Variants in RBMS3 observed in about 807,000 individuals in gnomAD.
RBMS3 encodes RNA-binding motif, single-stranded-interacting protein 3.
A neutral mutation model predicts 66.8 loss-of-function variants in RBMS3; 27 were observed. That is an observed-to-expected ratio of 0.40 (90% CI 0.30 to 0.56). The LOEUF (loss-of-function observed/expected upper bound fraction) is 0.56, where lower values mean the gene tolerates loss of function less well. Among genes scored for constraint, RBMS3 ranks in the 20% least tolerant of loss-of-function variants. The pLI, the probability that RBMS3 is intolerant of heterozygous loss-of-function variation, is 0.40. For missense variants in RBMS3, 513 were observed against 549.5 expected (o/e 0.93, Z 0.66); for synonymous variants, 188 against 183.0 (o/e 1.03, Z -0.22).
chr3:29,670,338 C>T (rs1418562663), intron 4 of RBMS3, among the ~76,000 whole-genome samples: 4 of 152,112 alleles, frequency 2.6e-5, no homozygotes, highest in South Asian at 4.1e-4. Context: ...CCAGCATGAG[C>T]GACGCAGAAG....
chr3:29,554,135 G>A (rs1030990543), intron 3 of RBMS3, among the ~76,000 whole-genome samples: 2 of 152,068 alleles, frequency 1.3e-5, no homozygotes, highest in African/African-American at 4.8e-5. Context: ...GTATGCTAAT[G>A]TACCTTATAT....
intron 3 of RBMS3, among the ~76,000 whole-genome samples, chr3:29,540,370 A>G (rs1019177594): frequency 6.6e-6 from 1 of 152,160 alleles, no homozygotes; most frequent in Admixed American, 6.5e-5. Flanking sequence ...TCCATTAGGC[A>G]GTTAATTTAC....
At chr3:29,411,301 G>A (rs978732769) in intron 1 of RBMS3, among the ~76,000 whole-genome samples, 3 of 152,110 alleles carry the variant, frequency 2.0e-5, no homozygotes, top group African/African-American at 4.8e-5. Context: ...TCAGAAAATC[G>A]TTTTTAGAAG....
chr3:29,676,131 T>C (rs1046135360), intron 4 of RBMS3, among the ~76,000 whole-genome samples: 10 of 152,220 alleles, frequency 6.6e-5, no homozygotes, highest in Non-Finnish European at 1.5e-4. Context: ...TGTAGGGACA[T>C]GGATGAAGCT....
chr3:29,365,012 TGAAAA>T (rs2037818191), intron 1 of RBMS3, among the ~76,000 whole-genome samples: 1 of 152,118 alleles, frequency 6.6e-6, no homozygotes, highest in African/African-American at 2.4e-5. Context: ...ACCTAGTTAA[TGAAAA>T]TAAACTTCTC....
chr3:29,905,228 G>T (rs1406767712), intron 10 of RBMS3, among the ~76,000 whole-genome samples: 1 of 151,928 alleles, frequency 6.6e-6, no homozygotes, highest in Non-Finnish European at 1.5e-5. Flanking sequence ...TACAGAAATA[G>T]GTATGGCCAC....
chr3:29,583,396 T>A (rs1392074913), intron 3 of RBMS3, among the ~76,000 whole-genome samples: 1 of 152,194 alleles, frequency 6.6e-6, no homozygotes, highest in Admixed American at 6.5e-5. Context: ...TTATGTGTTC[T>A]TTATAGCCCA....
At chr3:29,461,937 T>G (rs1199068644) in intron 2 of RBMS3, among the ~76,000 whole-genome samples, 1 of 134,834 alleles carries the variant, frequency 7.4e-6, no homozygotes, top group African/African-American at 2.9e-5. Context: ...TTTTTTTTTT[T>G]TTTTTTTTTT....
chr3:29,283,879 C>T (rs955132594), intron 1 of RBMS3, among the ~76,000 whole-genome samples: 4 of 152,070 alleles, frequency 2.6e-5, no homozygotes, highest in African/African-American at 9.7e-5. Context: ...AAAATGTGCC[C>T]TGTTTTGAAA....
intron 1 of RBMS3, among the ~76,000 whole-genome samples, chr3:29,430,976 T>G (rs865926885): frequency 2.7e-4 from 41 of 152,202 alleles, no homozygotes; most frequent in African/African-American, 9.4e-4. Flanking sequence ...TCGGCAAGCA[T>G]GTACTGAACA....
chr3:29,891,054 C>G (rs1311153158), intron 8 of RBMS3, among the ~76,000 whole-genome samples: 1 of 151,582 alleles, frequency 6.6e-6, no homozygotes, highest in East Asian at 1.9e-4. Flanking sequence ...AATCCTGTAA[C>G]AGTAAACTAA....
intron 6 of RBMS3, among the ~76,000 whole-genome samples, chr3:29,807,791 G>GGT (rs141326804): frequency 0.02 from 3,047 of 148,710 alleles, 82 homozygotes; most frequent in South Asian, 0.06. Flanking sequence ...TATGTGAAGG[G>GGT]GTGTGTGTGT....
chr3:29,523,470 G>A (rs560360106), intron 3 of RBMS3, among the ~76,000 whole-genome samples: 19 of 151,994 alleles, frequency 1.3e-4, no homozygotes, highest in South Asian at 2.1e-4. Context: ...ATAGCTGAAT[G>A]TTTAGTCTGG....
chr3:29,944,055 A>G, intron 11 of RBMS3, 152 bp from the exon 12 acceptor site: 1 of 607,194 alleles, frequency 1.6e-6, no homozygotes, highest in Non-Finnish European at 2.9e-6. Flanking sequence ...ATCAAATGCA[A>G]ATGAGGAATC....
chr3:29,562,509 T>G (rs1275947339), intron 3 of RBMS3, among the ~76,000 whole-genome samples: 1 of 152,158 alleles, frequency 6.6e-6, no homozygotes, highest in Admixed American at 6.5e-5. Context: ...ACGATGTTGA[T>G]TATGGAGTCA....
At chr3:29,562,965 T>A (rs1057190122) in intron 3 of RBMS3, among the ~76,000 whole-genome samples, 3 of 152,098 alleles carry the variant, frequency 2.0e-5, no homozygotes, top group African/African-American at 7.2e-5. Context: ...GTTGGAGACA[T>A]GTCTGGAAGA....
chr3:29,600,349 A>C (rs1340470815), intron 4 of RBMS3, among the ~76,000 whole-genome samples: 1 of 151,856 alleles, frequency 6.6e-6, no homozygotes, highest in African/African-American at 2.4e-5. Flanking sequence ...AATAAATGAG[A>C]TCTTGCTCTA....
intron 1 of RBMS3, among the ~76,000 whole-genome samples, chr3:29,322,030 G>GA (rs1194596032): frequency 6.6e-6 from 1 of 152,062 alleles, no homozygotes; most frequent in Non-Finnish European, 1.5e-5. Context: ...TAAAATTGTA[G>GA]AAAAAGAAAT....
intron 12 of RBMS3, among the ~76,000 whole-genome samples, chr3:29,944,461 A>G (rs1021330026): frequency 6.6e-6 from 1 of 151,744 alleles, no homozygotes; most frequent in African/African-American, 2.4e-5. Context: ...AATGTGTTGC[A>G]TTTTAAATAG....
Sources: gnomAD v4.1 joint callset for allele counts (sites outside exome capture counted in the v4.1 genomes callset) on GRCh38, gnomAD v4.1.1 for gene constraint, MANE v1.5 for transcripts, NCBI Gene and HGNC (gene_info 2026-07-23, HGNC 2026-07-21) for gene names.